Variants in IGSF5 observed in about 807,000 individuals in gnomAD.
IGSF5 encodes immunoglobulin superfamily 5 like.
In IGSF5, 41 loss-of-function variants were observed where a neutral mutation model predicts 39.4. That is an observed-to-expected ratio of 1.04 (90% CI 0.81 to 1.35). The LOEUF is 1.35. Among genes scored for constraint, IGSF5 ranks in the 40% most tolerant of loss-of-function variants. IGSF5 has a pLI of 0.00. For missense variants in IGSF5, 487 were observed against 494.6 expected (o/e 0.98, Z 0.15); for synonymous variants, 183 against 175.3 (o/e 1.04, Z -0.34).
intron 5 of IGSF5, among the ~76,000 whole-genome samples, chr21:39,780,180 TTGTC>T (rs1414561263): frequency 2.0e-5 from 3 of 146,968 alleles, no homozygotes; most frequent in Non-Finnish European, 3.0e-5. Context: ...TAATTTTTAT[TTGTC>T]TGTGTGTTTT....
At chr21:39,734,779 CTAAACA>C in the IGSF5 span, among the ~76,000 whole-genome samples, 4,838 of 152,148 alleles carry the variant, frequency 0.032, 242 homozygotes, top group African/African-American at 0.11. Flanking sequence ...CACTTAGTCA[CTAAACA>C]TAATGTATTT....
chr21:39,745,283 C>G lies in IGSF5; in HGVS notation c.-227C>G, dbSNP rs1330443874. ...ACTGCTCATGTCAAGAGCTGTATAC[C>G]TAAATTAGGAGGGACGCCAGGGATA... On this transcript the variant is annotated 5_prime_UTR_variant, in exon 1 of 9. Coordinates refer to ENST00000380588, the MANE Select transcript of IGSF5 (RefSeq NM_001080444.2). 17 of 419,254 alleles carry G rather than the reference C, an allele frequency of 4.1e-5. No homozygotes were observed. The highest frequency in any genetic ancestry group is 7.0e-5 in the Non-Finnish European group (16 of 229,014). 26.0% of individuals were successfully genotyped at this position (419,254 alleles called of 1,614,324 possible). A position where few individuals can be genotyped will look rare whatever the true frequency, so the allele number is the denominator to read the frequency against.
At chr21:39,748,289 A>G (rs2079985549) in intron 2 of IGSF5, among the ~76,000 whole-genome samples, 1 of 139,472 alleles carries the variant, frequency 7.2e-6, no homozygotes. Context: ...GCAAGTGAAG[A>G]GAAAACAAGA....
At chr21:39,732,886 T>C in the IGSF5 span, among the ~76,000 whole-genome samples, 6 of 151,586 alleles carry the variant, frequency 4.0e-5, no homozygotes, top group Non-Finnish European at 8.8e-5. Flanking sequence ...ATTAGCTGGG[T>C]GTGGTGGCAC....
the IGSF5 span, among the ~76,000 whole-genome samples, chr21:39,731,273 G>C: frequency 2.0e-5 from 3 of 152,256 alleles, no homozygotes; most frequent in Admixed American, 6.5e-5. Flanking sequence ...TTGAGAGGTC[G>C]GTTTATCGCA....
At chr21:39,795,100 C>T (rs1189005806) in intron 8 of IGSF5, among the ~76,000 whole-genome samples, 2 of 152,152 alleles carry the variant, frequency 1.3e-5, no homozygotes, top group African/African-American at 4.8e-5. Flanking sequence ...AGTAACAAAT[C>T]GTTAGCTCCT....
Position 39,787,881 on chromosome 21 carries a change from G to A in IGSF5, c.935-286G>A, listed in dbSNP as rs969568285. ...ACTCATCAAATTCAATAGTCACAAAGTAATAAGTAAATACCCCTGGGTGAC... is the reference window on the plus strand; with the variant it reads ...ACTCATCAAATTCAATAGTCACAAAATAATAAGTAAATACCCCTGGGTGAC... On this transcript the variant is annotated intron_variant, in intron 5 of 8. Coordinates refer to ENST00000380588, the MANE Select transcript of IGSF5 (RefSeq NM_001080444.2). 9.9e-5 allele frequency among the ~76,000 whole-genome samples: 15 copies of A among 152,106 alleles called. 1 individual carries two copies. The highest frequency in any genetic ancestry group is 1.5e-5 in the Non-Finnish European group (1 of 68,034).
the IGSF5 span, among the ~76,000 whole-genome samples, chr21:39,723,548 T>C: frequency 1.3e-5 from 2 of 152,148 alleles, no homozygotes; most frequent in Non-Finnish European, 2.9e-5. Flanking sequence ...ACTGAGACCA[T>C]CTGAGAGTTT....
rs1239202209 is a variant in IGSF5, at chr21:39,771,096, T to C, written c.599T>C (p.Val200Ala). The change falls in exon 4 of 9, where the codon GTG (valine) becomes GCG (alanine). Residue 200 changes from valine to alanine, a missense_variant. Physicochemically the swap from Val to Ala is moderately conservative, Grantham distance 64 (BLOSUM62 0). Coordinates refer to ENST00000380588, the MANE Select transcript of IGSF5 (RefSeq NM_001080444.2). ...GAGCCCAGCGACCTTCAAAGTGCAG[T>C]GAGCATCCTGGCTCTGACCCCACAG... ...VPEPSDLQSA[V>A]SILALTPQSN... 6.2e-7 allele frequency: 1 copy of C among 1,613,770 alleles called. No homozygotes were observed. Among genetic ancestry groups the C allele is most frequent in the Non-Finnish European group, 8.5e-7 (1 of 1,179,860 alleles).
intron 2 of IGSF5, among the ~76,000 whole-genome samples, chr21:39,763,768 G>A (rs921686751): frequency 1.3e-5 from 2 of 152,076 alleles, no homozygotes; most frequent in African/African-American, 4.8e-5. Context: ...ATTACATCAC[G>A]GACCCTCGGG....
At chr21:39,786,542 C>T (rs1034531970) in intron 5 of IGSF5, among the ~76,000 whole-genome samples, 10 of 146,482 alleles carry the variant, frequency 6.8e-5, no homozygotes, top group African/African-American at 1.3e-4. Context: ...TTGTGGAAGT[C>T]GGTGTGGCGA....
chr21:39,741,681 G>A (rs1054075577), upstream of IGSF5, among the ~76,000 whole-genome samples: 1 of 152,174 alleles, frequency 6.6e-6, no homozygotes. Flanking sequence ...GGGTAAAACA[G>A]TCCAGGTGAG....
At chr21:39,785,244 C>T (rs182765143) in intron 5 of IGSF5, among the ~76,000 whole-genome samples, 7 of 150,592 alleles carry the variant, frequency 4.6e-5, no homozygotes, top group Non-Finnish European at 1.0e-4. Flanking sequence ...CCATTCAGGA[C>T]ATAGGCATGG....
chr21:39,787,760 G>A (rs968006674), intron 5 of IGSF5, among the ~76,000 whole-genome samples: 35 of 152,032 alleles, frequency 2.3e-4, no homozygotes, highest in African/African-American at 6.0e-4. Context: ...CACAGAGCCC[G>A]TTTGGTGCTG....
At chr21:39,745,630 G>C (rs1298028113) in intron 1 of IGSF5, 104 bp downstream of exon 1, 9 of 674,480 alleles carry the variant, frequency 1.3e-5, no homozygotes, top group Non-Finnish European at 2.2e-5. Flanking sequence ...TCTGCCTCTA[G>C]TTGGCCCTTG....
At chr21:39,717,481 A>G in the IGSF5 span, among the ~76,000 whole-genome samples, 1 of 152,202 alleles carries the variant, frequency 6.6e-6, no homozygotes, top group Non-Finnish European at 1.5e-5. Context: ...TGGGTTTTAC[A>G]TTTAAGTCTT....
chr21:39,724,201 T>A, the IGSF5 span, among the ~76,000 whole-genome samples: 8 of 152,358 alleles, frequency 5.3e-5, no homozygotes, highest in South Asian at 1.7e-3. Flanking sequence ...TAAGTGGAAA[T>A]ATTTTCACTT....
chr21:39,787,391 A>G (rs2086928633), intron 5 of IGSF5, among the ~76,000 whole-genome samples: 1 of 152,174 alleles, frequency 6.6e-6, no homozygotes, highest in Non-Finnish European at 1.5e-5. Context: ...TGATATATAG[A>G]AGGCCTGGAC....
intron 2 of IGSF5, among the ~76,000 whole-genome samples, chr21:39,757,599 A>G (rs1400492643): frequency 7.3e-6 from 1 of 136,194 alleles, no homozygotes; most frequent in African/African-American, 2.8e-5. Flanking sequence ...TTTTTTTTTT[A>G]AGAGTCTCGC....
Sources: allele counts gnomAD v4.1 joint callset (sites outside exome capture counted in the v4.1 genomes callset), GRCh38; gene constraint gnomAD v4.1.1; transcripts MANE v1.5; gene names NCBI Gene and HGNC (gene_info 2026-07-23, HGNC 2026-07-21).